Variants in POLA1 observed in about 807,000 individuals in gnomAD.
POLA1 encodes DNA polymerase alpha 1, catalytic subunit, also known as DNA polymerase alpha catalytic subunit.
A neutral mutation model predicts 124.0 loss-of-function variants in POLA1; 15 were observed. The observed-to-expected ratio is 0.12, with a 90% confidence interval of 0.08 to 0.19. POLA1 has a LOEUF of 0.19. Among genes scored for constraint, POLA1 ranks in the 10% least tolerant of loss-of-function variants. POLA1 has a pLI of 1.00. For missense variants in POLA1, 886 were observed against 1,103.4 expected, an observed-to-expected ratio of 0.80 and a Z score of 2.79; for synonymous variants, 408 against 389.4, an observed-to-expected ratio of 1.05 and a Z score of -0.56.
chrX:24,949,913 T>C (rs1224416871), intron 36 of POLA1, among the ~76,000 whole-genome samples: 1 of 109,375 alleles, frequency 9.1e-6, no homozygotes, highest in Non-Finnish European at 1.9e-5. Flanking sequence ...TTTGTATTTT[T>C]AGTTGAGACG....
chrX:24,887,793 C>CT (rs397959883), intron 34 of POLA1, among the ~76,000 whole-genome samples: 2,698 of 93,137 alleles, frequency 0.029, 80 homozygotes, highest in African/African-American at 0.093. Context: ...ATGTGATTTT[C>CT]TTTTTTTTTT....
At chrX:24,948,092 G>T (rs2047990267) in intron 36 of POLA1, among the ~76,000 whole-genome samples, 1 of 112,044 alleles carries the variant, frequency 8.9e-6, no homozygotes, top group Admixed American at 9.4e-5. Context: ...CTGAAAGGAG[G>T]TCTATAAGTG....
intron 26 of POLA1, among the ~76,000 whole-genome samples, chrX:24,752,888 C>G (rs755216616): frequency 9.0e-6 from 1 of 111,581 alleles, no homozygotes; most frequent in Non-Finnish European, 1.9e-5. Flanking sequence ...CATGGAGACA[C>G]GATACATGAC....
At chrX:24,751,663 CA>C (rs1283640558) in intron 26 of POLA1, among the ~76,000 whole-genome samples, 1 of 111,973 alleles carries the variant, frequency 8.9e-6, no homozygotes, top group African/African-American at 3.2e-5. Context: ...AAGTCACTTA[CA>C]AATATTATTT....
chrX:24,862,879 G>T (rs940656816), intron 34 of POLA1, among the ~76,000 whole-genome samples: 3 of 112,001 alleles, frequency 2.7e-5, no homozygotes, highest in Non-Finnish European at 5.6e-5. Flanking sequence ...CAAAATATGG[G>T]TCTAATTACC....
chrX:24,834,168 C>T (rs1166772801), intron 32 of POLA1, among the ~76,000 whole-genome samples: 1 of 105,474 alleles, frequency 9.5e-6, no homozygotes, highest in East Asian at 2.9e-4. Context: ...CCAAGAAATA[C>T]ACATCTCGTT....
At chrX:24,697,417 A>G (rs1722789619) in intron 1 of POLA1, among the ~76,000 whole-genome samples, 1 of 112,170 alleles carries the variant, frequency 8.9e-6, no homozygotes, top group African/African-American at 3.2e-5. Context: ...TTTTGAAATC[A>G]TTTGAGTGAC....
chrX:24,967,152 C>T (rs952156865), intron 36 of POLA1, among the ~76,000 whole-genome samples: 42 of 109,137 alleles, frequency 3.8e-4, no homozygotes, highest in African/African-American at 1.4e-3. Flanking sequence ...CGTTCCGGTT[C>T]TTTGAGAACT....
At chrX:24,967,111 G>A (rs1323916626) in intron 36 of POLA1, among the ~76,000 whole-genome samples, 1 of 110,474 alleles carries the variant, frequency 9.1e-6, no homozygotes, top group East Asian at 2.8e-4. Flanking sequence ...GAGCAGCTTT[G>A]ACAGGTTGAA....
intron 35 of POLA1, among the ~76,000 whole-genome samples, chrX:24,928,938 G>A (rs772413730): frequency 2.0e-4 from 22 of 111,827 alleles, no homozygotes; most frequent in African/African-American, 6.5e-4. Flanking sequence ...GAAGGAATGC[G>A]CCCACAAAAA....
chrX:24,810,663 G>C (rs1279700551), intron 27 of POLA1, 45 bp from the exon 28 acceptor site: 2 of 574,413 alleles, frequency 3.5e-6, no homozygotes, highest in Non-Finnish European at 2.9e-6. Flanking sequence ...GTATGTAATG[G>C]TCACTGTGTT....
At chrX:24,978,795 ATAAC>A (rs1477252743) in intron 36 of POLA1, among the ~76,000 whole-genome samples, 1 of 112,294 alleles carries the variant, frequency 8.9e-6, no homozygotes, top group Non-Finnish European at 1.9e-5. Flanking sequence ...GATTGCATGA[ATAAC>A]TAAAGATGAT....
At chrX:24,900,723 G>T (rs1436389214) in intron 35 of POLA1, among the ~76,000 whole-genome samples, 1 of 111,475 alleles carries the variant, frequency 9.0e-6, no homozygotes, top group Admixed American at 9.6e-5. Flanking sequence ...CTACTTCTAT[G>T]CAATGGAGTG....
chrX:24,973,068 T>C (rs1476491790), intron 36 of POLA1, among the ~76,000 whole-genome samples: 1 of 112,019 alleles, frequency 8.9e-6, no homozygotes, highest in East Asian at 2.8e-4. Context: ...TTAAGAAACA[T>C]CTTCTGGCTG....
Position 24,843,553 on chromosome X carries a change from A to G in POLA1, c.3923A>G (p.Asp1308Gly). The change falls in exon 34 of 37, where the codon GAT becomes GGT. Residue 1308 changes from aspartate (D) to glycine (G), a missense_variant. Asp to Gly is a moderately conservative substitution (Grantham distance 94). Around this residue, in one of 7 missense-constraint regions of POLA1, gnomAD observed 313 missense variants for 359.7 expected, o/e 0.87. Coordinates refer to ENST00000379068, the MANE Select transcript of POLA1 (RefSeq NM_001330360.2). ...YDNVFDGSGT[D>G]MEPSLYRCSN... is the part of the protein sequence containing the mutation. ...TTCTCCTGACTTATGTAGGGAACAGATATGGAGCCCAGCTTGTATCGTTGC... is the reference window on the plus strand; with the variant it reads ...TTCTCCTGACTTATGTAGGGAACAGGTATGGAGCCCAGCTTGTATCGTTGC... The G allele has an allele frequency of 8.4e-7, 1 of 1,193,319 alleles. No homozygotes were observed. The highest frequency in any genetic ancestry group is 1.1e-6 in the Non-Finnish European group (1 of 884,637).
intron 31 of POLA1, among the ~76,000 whole-genome samples, chrX:24,824,039 G>T (rs2046133134): frequency 9.0e-6 from 1 of 111,346 alleles, no homozygotes; most frequent in Non-Finnish European, 1.9e-5. Flanking sequence ...ATTTTAAGGG[G>T]CCCACTTGTC....
intron 36 of POLA1, among the ~76,000 whole-genome samples, chrX:24,943,822 A>T (rs1047223139): frequency 2.1e-4 from 24 of 112,537 alleles, no homozygotes; most frequent in African/African-American, 7.4e-4. Context: ...CATTGGTGTG[A>T]ATTAGCAAGG....
intron 26 of POLA1, among the ~76,000 whole-genome samples, chrX:24,803,318 T>C (rs1009813752): frequency 7.2e-5 from 8 of 111,460 alleles, no homozygotes; most frequent in Admixed American, 9.5e-5. Flanking sequence ...TGTGTACTCA[T>C]ACTACTGATG....
chrX:24,702,078 T>G (rs953406705), intron 2 of POLA1, among the ~76,000 whole-genome samples: 1 of 100,011 alleles, frequency 1.0e-5, no homozygotes, highest in African/African-American at 3.8e-5. Context: ...TTTTTTTTTT[T>G]TGAGATGGAG....
Sources: gnomAD v4.1 joint callset for allele counts (sites outside exome capture counted in the v4.1 genomes callset) on GRCh38, gnomAD v4.1.1 for gene constraint, gnomAD v4.1.1 regional missense constraint, MANE v1.5 for transcripts, NCBI Gene and HGNC (gene_info 2026-07-23, HGNC 2026-07-21) for gene names.